PCNX4: variants seen among roughly 807,000 people sequenced by gnomAD.
The protein encoded by PCNX4 is pecanex-like protein 4.
A neutral mutation model predicts 107.2 loss-of-function variants in PCNX4; 103 were observed. The observed-to-expected ratio is 0.96, with a 90% CI of 0.82 to 1.13. The LOEUF is 1.13. Among genes scored for constraint, PCNX4 ranks in the 50% most tolerant of loss-of-function variants. The pLI is 0.00. For missense variants in PCNX4, 1,528 were observed against 1,379.4 expected (o/e 1.11, Z -1.71); for synonymous variants, 541 against 481.7 (o/e 1.12, Z -1.61).
chr14:60,128,334 A>C (rs1896093167), intron 10 of PCNX4, among the ~76,000 whole-genome samples: 1 of 152,194 alleles, frequency 6.6e-6, no homozygotes, highest in South Asian at 2.1e-4. Flanking sequence ...AAAACCTTGA[A>C]AGCACCAAGT....
At chr14:60,101,243 A>AATAT (rs1232022754) in intron 1 of PCNX4, among the ~76,000 whole-genome samples, 1 of 152,212 alleles carries the variant, frequency 6.6e-6, no homozygotes, top group Non-Finnish European at 1.5e-5. Context: ...GCCTCCCTAA[A>AATAT]ATATATAAAA....
At position 60,141,498 on chromosome 14, in the gene PCNX4, C is replaced by T. The variant is rs1309396761; in HGVS notation, c.*7277C>T. ...GATAATGAGGAAATACTGTAACTTT[C>T]GGCTTATACACATGACAACTTAGAA... On this transcript the variant is annotated 3_prime_UTR_variant, in exon 11 of 11. Coordinates refer to ENST00000406854, the MANE Select transcript of PCNX4 (RefSeq NM_001330177.2). 2 of 152,148 alleles carry T rather than the reference C, an allele frequency of 1.3e-5. No individual in the cohort carries two copies. Among genetic ancestry groups the T allele is most frequent in the Non-Finnish European group, 2.9e-5 (2 of 68,026 alleles). 9.4% of individuals were successfully genotyped at this position (152,148 alleles called of 1,614,324 possible).
At chr14:60,131,626 C>T (rs555835554) in intron 10 of PCNX4, among the ~76,000 whole-genome samples, 1 of 152,280 alleles carries the variant, frequency 6.6e-6, no homozygotes, top group East Asian at 1.9e-4. Flanking sequence ...CAATACTCTC[C>T]AAATATATCT....
intron 2 of PCNX4, chr14:60,109,504 A>T (rs1405654376): frequency 1.8e-5 from 3 of 165,256 alleles, no homozygotes; most frequent in Non-Finnish European, 4.4e-5. Flanking sequence ...GCAGTGGCAC[A>T]ATCTTGGCCC....
At chr14:60,115,654 A>G (rs979985666) in intron 4 of PCNX4, 65 bp from the exon 5 acceptor site, 24 of 1,449,360 alleles carry the variant, frequency 1.7e-5, no homozygotes, top group African/African-American at 2.8e-5. Flanking sequence ...TATTTGCCAG[A>G]ATAAAATATG....
At chr14:60,105,563 G>A (rs1895613603) in intron 1 of PCNX4, among the ~76,000 whole-genome samples, 1 of 152,116 alleles carries the variant, frequency 6.6e-6, no homozygotes, top group Non-Finnish European at 1.5e-5. Flanking sequence ...AATGGAATCA[G>A]TAGGGTGTTT....
chr14:60,124,327 A>G lies in PCNX4; in HGVS notation c.2156A>G (p.Glu719Gly). ...TACACAAGAGTATGTTCCCTTAATG[A>G]ACACTTTGGAAATGTCTTGACACCC... ...QEYTRVCSLN[E>G]HFGNVLTPCT... The change falls in exon 9 of 11, where the codon GAA becomes GGA. Residue 719 changes from glutamate to glycine, a missense_variant. Coordinates refer to ENST00000406854, the MANE Select transcript of PCNX4 (RefSeq NM_001330177.2). The G allele has an allele frequency of 6.2e-7, 1 of 1,612,468 alleles. No homozygotes were observed.
Position 60,121,234 on chromosome 14 carries a change from C to T in PCNX4, c.1981C>T (p.Gln661Ter). The change falls in exon 8 of 11, where the codon CAG (glutamine) becomes TAG (stop). Residue 661 changes from glutamine to a stop codon, truncating the protein, a stop_gained. Coordinates refer to ENST00000406854, the MANE Select transcript of PCNX4 (RefSeq NM_001330177.2). LOFTEE classifies it high-confidence loss of function. ...TGGATCTCATTACTTGGGCCGTTTT[C>T]AGGATCGTTTAATGTGGATAATGAT... is the stretch of plus-strand genomic sequence containing the variant. ...LPGSHYLGRFQDRLMWIMILE... is the reference protein window; with the variant it reads ...LPGSHYLGRF The T allele has an allele frequency of 1.4e-6, 2 of 1,481,012 alleles. No homozygotes were observed. The highest frequency in any genetic ancestry group is 1.8e-6 in the Non-Finnish European group (2 of 1,104,714). The allele number at this position is 1,481,012 out of a possible 1,614,324, so 91.7% of individuals were successfully genotyped here.
chr14:60,098,720 C>A (rs1275283801), intron 1 of PCNX4, among the ~76,000 whole-genome samples: 4 of 152,044 alleles, frequency 2.6e-5, no homozygotes, highest in Non-Finnish European at 4.4e-5. Context: ...GGGTGGATCA[C>A]CTGAGTTCAG....
Position 60,134,441 on chromosome 14 carries a change from T to G in PCNX4, c.*220T>G. ...AGATAAAAGAACTATTTGGCCAATA[T>G]TTGTGCCCTCTGGACTTTAGTAGGC... On this transcript the variant is annotated 3_prime_UTR_variant, in exon 11 of 11. Coordinates refer to ENST00000406854, the MANE Select transcript of PCNX4 (RefSeq NM_001330177.2). The G allele has an allele frequency of 1.9e-6, 1 of 518,568 alleles. No homozygotes were observed. The highest frequency in any genetic ancestry group is 3.2e-5 in the South Asian group (1 of 31,712). The allele number at this position is 518,568 out of a possible 1,614,324, so 32.1% of individuals were successfully genotyped here.
chr14:60,104,095 C>T, intron 1 of PCNX4, among the ~76,000 whole-genome samples: 1 of 152,012 alleles, frequency 6.6e-6, no homozygotes, highest in African/African-American at 2.4e-5. Flanking sequence ...CCGAGGCGGG[C>T]AGATCATGAG....
At chr14:60,108,417 T>G (rs1895673142) in intron 2 of PCNX4, 90 bp downstream of exon 2, 4 of 975,010 alleles carry the variant, frequency 4.1e-6, no homozygotes, top group Non-Finnish European at 6.0e-6. Context: ...AAAAAATGAA[T>G]CCATGGATTA....
At chr14:60,122,731 T>C (rs770207989) in intron 8 of PCNX4, among the ~76,000 whole-genome samples, 5 of 152,220 alleles carry the variant, frequency 3.3e-5, no homozygotes, top group Non-Finnish European at 7.3e-5. Flanking sequence ...CTTGTTTTTA[T>C]TCAGGAATAC....
intron 2 of PCNX4, among the ~76,000 whole-genome samples, chr14:60,114,087 G>C (rs1266230913): frequency 6.6e-6 from 1 of 152,188 alleles, no homozygotes; most frequent in Admixed American, 6.5e-5. Flanking sequence ...TTAAGCTGCA[G>C]AGATACAGTC....
intron 10 of PCNX4, chr14:60,126,252 C>G (rs897253449): frequency 6.6e-6 from 1 of 152,352 alleles, no homozygotes; most frequent in Non-Finnish European, 1.5e-5. Context: ...CTGTGAAAAT[C>G]CAGAGACTTA....
rs561734683 is a variant in PCNX4 at position 60,136,251 on chromosome 14, T to C, written c.*2030T>C. 6.6e-5 allele frequency: 10 copies of C among 152,218 alleles called. No individual in the cohort carries two copies. Among genetic ancestry groups the C allele is most frequent in the Non-Finnish European group, 1.3e-4 (9 of 68,044 alleles). The allele number at this position is 152,218 out of a possible 1,614,324, so 9.4% of individuals were successfully genotyped here. On this transcript the variant is annotated 3_prime_UTR_variant, in exon 11 of 11. Coordinates refer to ENST00000406854, the MANE Select transcript of PCNX4 (RefSeq NM_001330177.2). ...TCCTGACACTACATTATCTTTGTTT[T>C]CTTCTTATCTTCCTAGCAACTCCTC...
At chr14:60,107,458 C>A in intron 1 of PCNX4, 128 bp from the exon 2 acceptor site, 1 of 591,320 alleles carries the variant, frequency 1.7e-6, no homozygotes, top group Non-Finnish European at 2.9e-6. Context: ...AGAAAGGGGT[C>A]TGAGAAGTAC....
chr14:60,133,090 G>A (rs992690499), intron 10 of PCNX4, among the ~76,000 whole-genome samples: 7 of 152,138 alleles, frequency 4.6e-5, no homozygotes, highest in African/African-American at 1.7e-4. Context: ...CTATCCCTAA[G>A]TATGTATACC....
In PCNX4 at chr14:60,144,981, C is replaced by T. The variant is rs749664510; in HGVS notation, c.*10760C>T. 2.0e-5 allele frequency: 32 copies of T among 1,603,140 alleles called. No individual in the cohort carries two copies. Among genetic ancestry groups the T allele is most frequent in the Non-Finnish European group, 2.6e-5 (31 of 1,177,032 alleles). ...GGTGCTCTTTTCAGTCATGTTTTGT[C>T]TTAAAGATTTTAAAATAAGAAGAGT... On this transcript the variant is annotated 3_prime_UTR_variant, in exon 11 of 11. Coordinates refer to ENST00000406854, the MANE Select transcript of PCNX4 (RefSeq NM_001330177.2).
Sources: gnomAD v4.1 joint callset for allele counts (sites outside exome capture counted in the v4.1 genomes callset) on GRCh38, gnomAD v4.1.1 for gene constraint, MANE v1.5 for transcripts, NCBI Gene and HGNC (gene_info 2026-07-23, HGNC 2026-07-21) for gene names.